Variants in CTNNA1 observed in about 807,000 individuals in gnomAD.
The protein encoded by CTNNA1 is catenin alpha 1, also known as catenin alpha-1.
Under a neutral mutation model 98.4 loss-of-function variants are expected in CTNNA1, and 37 were observed. The observed-to-expected ratio is 0.38, with a 90% confidence interval of 0.29 to 0.49. The LOEUF (loss-of-function observed/expected upper bound fraction) is 0.49. CTNNA1 is among the 20% of genes least tolerant of loss of function. The probability of loss-of-function intolerance (pLI) is 0.95; values close to 1 mark genes in which losing one functional copy is unlikely to be tolerated. For synonymous variants in CTNNA1, 404 were observed against 413.2 expected, an observed-to-expected ratio of 0.98 and a Z score of 0.27; for missense variants, 761 against 1,147.2, an observed-to-expected ratio of 0.66 and a Z score of 4.86.
intron 1 of CTNNA1, among the ~76,000 whole-genome samples, chr5:138,758,417 C>T (rs1369837397): frequency 2.0e-5 from 3 of 150,228 alleles, no homozygotes; most frequent in African/African-American, 7.4e-5. Context: ...CTCGCTCTGT[C>T]ACCAGGCTGG....
At chr5:138,872,160 A>G (rs550723546) in intron 7 of CTNNA1, 3 of 152,688 alleles carry the variant, frequency 2.0e-5, no homozygotes, top group East Asian at 1.9e-4. Flanking sequence ...CTTTTTTCAC[A>G]TATTAATGTA....
At chr5:138,797,854 A>G (rs891768385) in intron 3 of CTNNA1, among the ~76,000 whole-genome samples, 2 of 150,012 alleles carry the variant, frequency 1.3e-5, no homozygotes, top group African/African-American at 2.5e-5. Context: ...TCTTTAAAAC[A>G]AAATGAAACA....
intron 7 of CTNNA1, chr5:138,869,357 C>T (rs1217105818): frequency 6.6e-6 from 1 of 150,534 alleles, no homozygotes; most frequent in Admixed American, 6.6e-5. Context: ...CTATAGATGG[C>T]CTTACTGTCT....
At chr5:138,868,305 T>C (rs1476823031) in intron 7 of CTNNA1, among the ~76,000 whole-genome samples, 1 of 152,192 alleles carries the variant, frequency 6.6e-6, no homozygotes, top group African/African-American at 2.4e-5. Flanking sequence ...CTAACCCCAG[T>C]GTTGTTCAAG....
chr5:138,903,310 G>T (rs1375898274), intron 9 of CTNNA1, among the ~76,000 whole-genome samples: 1 of 152,048 alleles, frequency 6.6e-6, no homozygotes, highest in Non-Finnish European at 1.5e-5. Flanking sequence ...GCTTAAGTTG[G>T]GCGGAGGAGT....
chr5:138,856,459 C>G (rs919243532), intron 7 of CTNNA1, among the ~76,000 whole-genome samples: 30 of 152,138 alleles, frequency 2.0e-4, no homozygotes, highest in African/African-American at 6.5e-4. Flanking sequence ...TCTCCCACCT[C>G]ACCACCCAAG....
intron 1 of CTNNA1, among the ~76,000 whole-genome samples, chr5:138,779,948 T>G (rs1362901664): frequency 6.6e-6 from 1 of 152,126 alleles, no homozygotes; most frequent in Admixed American, 6.5e-5. Context: ...TGTTTTTTAA[T>G]TTGCCAACAT....
At chr5:138,787,190 G>C (rs1199079375) in intron 3 of CTNNA1, among the ~76,000 whole-genome samples, 1 of 152,192 alleles carries the variant, frequency 6.6e-6, no homozygotes, top group Admixed American at 6.5e-5. Context: ...CAGCACTTTG[G>C]GAGGCCCAGT....
At chr5:138,899,185 G>A (rs925125142) in intron 9 of CTNNA1, among the ~76,000 whole-genome samples, 8 of 151,926 alleles carry the variant, frequency 5.3e-5, no homozygotes, top group South Asian at 2.1e-4. Flanking sequence ...TGCCCAAGAC[G>A]GCTCATTTCC....
chr5:138,788,074 T>C (rs567725229), intron 3 of CTNNA1, among the ~76,000 whole-genome samples: 1 of 152,324 alleles, frequency 6.6e-6, no homozygotes, highest in African/African-American at 2.4e-5. Flanking sequence ...TGCTCTTTTC[T>C]TATTTTAGGA....
At chr5:138,875,066 G>GT (rs1222501694) in intron 7 of CTNNA1, 1 of 667,666 alleles carries the variant, frequency 1.5e-6, no homozygotes, top group Non-Finnish European at 2.5e-6. Context: ...AGGACGAGTT[G>GT]TTTTTTCCTT....
intron 17 of CTNNA1, chr5:138,933,010 G>A (rs1328636715): frequency 5.2e-6 from 4 of 764,540 alleles, no homozygotes; most frequent in Admixed American, 1.7e-5. Context: ...GCAGGTACCT[G>A]TAAGTCCCAG....
intron 2 of CTNNA1, chr5:138,782,404 G>A: frequency 2.4e-6 from 1 of 414,374 alleles, no homozygotes. Flanking sequence ...TAATTAGCAG[G>A]TAATTCAACT....
At chr5:138,890,860 C>G (rs1755190951) in intron 9 of CTNNA1, among the ~76,000 whole-genome samples, 1 of 152,114 alleles carries the variant, frequency 6.6e-6, no homozygotes, top group South Asian at 2.1e-4. Context: ...ACTGAAATTC[C>G]AAAGATTCAG....
At chr5:138,769,093 A>G (rs1753245818) in intron 1 of CTNNA1, among the ~76,000 whole-genome samples, 1 of 151,876 alleles carries the variant, frequency 6.6e-6, no homozygotes, top group Non-Finnish European at 1.5e-5. Context: ...AGGTCTTCCT[A>G]TGTTGCCCAG....
At chr5:138,771,696 G>T (rs1193275491) in intron 1 of CTNNA1, among the ~76,000 whole-genome samples, 3 of 152,086 alleles carry the variant, frequency 2.0e-5, no homozygotes, top group African/African-American at 7.2e-5. Flanking sequence ...AAGTTACCTT[G>T]ATTTTTTTGG....
At chr5:138,864,027 A>G (rs1191931736) in intron 7 of CTNNA1, among the ~76,000 whole-genome samples, 1 of 152,192 alleles carries the variant, frequency 6.6e-6, no homozygotes, top group Non-Finnish European at 1.5e-5. Context: ...CAGTGGCACG[A>G]TCTTGGCTTG....
At chr5:138,777,988 C>CTTTTTT (rs777826985) in intron 1 of CTNNA1, among the ~76,000 whole-genome samples, 2 of 14,858 alleles carry the variant, frequency 1.3e-4, no homozygotes, top group Non-Finnish European at 2.3e-4. Context: ...CTTAATCTGT[C>CTTTTTT]TTTTTTTTTT....
At chr5:138,778,282 C>G (rs1754638288) in intron 1 of CTNNA1, among the ~76,000 whole-genome samples, 2 of 152,154 alleles carry the variant, frequency 1.3e-5, no homozygotes, top group South Asian at 4.1e-4. Context: ...ACGTGAGCCT[C>G]CGCGCCCGGC....
Sources: allele counts gnomAD v4.1 joint callset (sites outside exome capture counted in the v4.1 genomes callset), GRCh38; gene constraint gnomAD v4.1.1; transcripts MANE v1.5; gene names NCBI Gene and HGNC (gene_info 2026-07-23, HGNC 2026-07-21).